VPS13B: variants seen among roughly 807,000 people sequenced by gnomAD.
VPS13B encodes vacuolar protein sorting 13 homolog B, also known as intermembrane lipid transfer protein VPS13B.
In VPS13B, 285 loss-of-function variants were observed where a neutral mutation model predicts 426.4. The ratio of observed to expected loss-of-function variants is 0.67; its 90% CI spans 0.61 to 0.74. The LOEUF (loss-of-function observed/expected upper bound fraction) is 0.74, where lower values mean the gene tolerates loss of function less well. Ranked by LOEUF, VPS13B falls within the 30% of genes least tolerant of loss-of-function variation. The pLI is 0.00. For synonymous variants in VPS13B, 1,676 were observed against 1,676.4 expected (o/e 1.00, Z 0.01); for missense variants, 4,537 against 4,782.6 (o/e 0.95, Z 1.51).
At chr8:99,595,736 A>C (rs1826977316) in intron 33 of VPS13B, among the ~76,000 whole-genome samples, 1 of 152,018 alleles carries the variant, frequency 6.6e-6, no homozygotes, top group South Asian at 2.1e-4. Context: ...GCAGAATGGG[A>C]GAAAATATTT....
intron 17 of VPS13B, among the ~76,000 whole-genome samples, chr8:99,202,358 A>G (rs1814381560): frequency 6.6e-6 from 1 of 152,232 alleles, no homozygotes; most frequent in South Asian, 2.1e-4. Flanking sequence ...ACAGAAATGT[A>G]TGATGAATAA....
rs527276033 is a variant in VPS13B at position 99,696,770 on chromosome 8, A to G, written c.6047-2755A>G. On this transcript the variant is annotated intron_variant, in intron 35 of 61. Coordinates refer to ENST00000357162, the MANE Select transcript of VPS13B (RefSeq NM_152564.5). ...GGAGAGACCCAGCAATGAGGAAATC[A>G]TGCGTTTTTCCAAATTATTTGAGAA... The G allele has an allele frequency of 3.2e-5, 45 of 1,397,006 alleles. No homozygotes were observed. The East Asian group carries it at 8.7e-4, about 27-fold the overall frequency. 86.5% of individuals were successfully genotyped at this position (1,397,006 alleles called of 1,614,324 possible). A position where few individuals can be genotyped will look rare whatever the true frequency, so the allele number is the denominator to read the frequency against.
Position 99,022,518 on chromosome 8 carries a change from A to G in VPS13B, c.147+8583A>G, listed in dbSNP as rs1274143070. Among the ~76,000 whole-genome samples, 3 of 152,192 alleles carry G rather than the reference A, an allele frequency of 2.0e-5. No homozygotes were observed. In the East Asian group the frequency reaches 5.8e-4, roughly 29 times the overall value. ...ATGATTTTAATTTATTAAAATGTAT[A>G]AATATATAGTCTGTTTTTGTAAGTG... On this transcript the variant is annotated intron_variant, in intron 2 of 61. Coordinates refer to ENST00000357162, the MANE Select transcript of VPS13B (RefSeq NM_152564.5).
intron 17 of VPS13B, among the ~76,000 whole-genome samples, chr8:99,264,958 C>T (rs184343096): frequency 6.6e-6 from 1 of 152,030 alleles, no homozygotes; most frequent in African/African-American, 2.4e-5. Context: ...GAGATTTTCT[C>T]AACTTTATTT....
intron 31 of VPS13B, among the ~76,000 whole-genome samples, chr8:99,568,286 TATTATTATTATTA>T (rs1825285700): frequency 6.7e-6 from 1 of 148,580 alleles, no homozygotes. Flanking sequence ...CTATTATTAT[TATTATTATTATTA>T]TTTTTTTTTG....
At chr8:99,067,745 C>A (rs1484773789) in intron 3 of VPS13B, among the ~76,000 whole-genome samples, 1 of 152,146 alleles carries the variant, frequency 6.6e-6, no homozygotes, top group East Asian at 1.9e-4. Context: ...ACCCTTTTAA[C>A]CTTTACTTCA....
At chr8:99,526,235 CATGTT>C (rs1822637646) in intron 30 of VPS13B, among the ~76,000 whole-genome samples, 1 of 152,018 alleles carries the variant, frequency 6.6e-6, no homozygotes, top group Non-Finnish European at 1.5e-5. Context: ...CTAAAAGAAT[CATGTT>C]AAGAATTATT....
intron 23 of VPS13B, among the ~76,000 whole-genome samples, chr8:99,466,902 T>C (rs900814784): frequency 2.0e-5 from 3 of 152,170 alleles, no homozygotes; most frequent in Admixed American, 6.6e-5. Flanking sequence ...TCATTTTCAG[T>C]ACCATAGATA....
intron 42 of VPS13B, among the ~76,000 whole-genome samples, chr8:99,783,323 C>T (rs1469791187): frequency 6.6e-6 from 1 of 152,232 alleles, no homozygotes; most frequent in Non-Finnish European, 1.5e-5. Flanking sequence ...TAGAGGCCAA[C>T]TGGAGAAGCA....
chr8:99,796,481 G>T (rs565225797), intron 43 of VPS13B: 1 of 152,210 alleles, frequency 6.6e-6, no homozygotes, highest in African/African-American at 2.4e-5. Flanking sequence ...CCAGAAGAGA[G>T]AATGACTAAT....
At chr8:99,484,323 G>T (rs1588426958) in intron 25 of VPS13B, among the ~76,000 whole-genome samples, 1 of 152,028 alleles carries the variant, frequency 6.6e-6, no homozygotes, top group Non-Finnish European at 1.5e-5. Context: ...TAGTAGATTT[G>T]TTTGTTTTGT....
chr8:99,412,985 A>G (rs1232273749), intron 21 of VPS13B, among the ~76,000 whole-genome samples: 2 of 152,158 alleles, frequency 1.3e-5, no homozygotes, highest in Non-Finnish European at 2.9e-5. Context: ...GGATTTTTGC[A>G]TTGATGTTCA....
chr8:99,179,053 T>G (rs537228901), intron 16 of VPS13B, among the ~76,000 whole-genome samples: 2 of 152,362 alleles, frequency 1.3e-5, no homozygotes, highest in Admixed American at 1.3e-4. Flanking sequence ...TGCCAGCTTC[T>G]TAGAAGAATC....
chr8:99,617,007 T>G lies in VPS13B; in HGVS notation c.5221-24804T>G, dbSNP rs182215023. Reference sequence around the variant, plus strand: ...AAAGCTGAGTGAGGAGAAACGGAGATGTATAGTTGTAAGGTTCTTAGACTA... The same window carrying G: ...AAAGCTGAGTGAGGAGAAACGGAGAGGTATAGTTGTAAGGTTCTTAGACTA... On this transcript the variant is annotated intron_variant, in intron 33 of 61. Coordinates refer to ENST00000357162, the MANE Select transcript of VPS13B (RefSeq NM_152564.5). Among the ~76,000 whole-genome samples the G allele has an allele frequency of 7.7e-4, 117 of 152,342 alleles. 2 individuals are homozygous for G. The highest frequency in any genetic ancestry group is 7.3e-3 in the Admixed American group (111 of 15,306).
intron 19 of VPS13B, among the ~76,000 whole-genome samples, chr8:99,383,150 G>C (rs1813916521): frequency 6.6e-6 from 1 of 152,112 alleles, no homozygotes; most frequent in Non-Finnish European, 1.5e-5. Flanking sequence ...CTTTTCATCA[G>C]AAAGGGACAA....
chr8:99,536,750 G>T (rs1205420751), intron 30 of VPS13B: 4 of 532,656 alleles, frequency 7.5e-6, no homozygotes, highest in South Asian at 5.6e-5. Context: ...CGTATTCCCA[G>T]TCATTAAAGT....
chr8:99,771,454 A>G (rs766093100), intron 40 of VPS13B, among the ~76,000 whole-genome samples: 1 of 152,148 alleles, frequency 6.6e-6, no homozygotes, highest in African/African-American at 2.4e-5. Context: ...TAATATATCT[A>G]TATATTTTTT....
chr8:99,459,533 G>A (rs758911797), intron 23 of VPS13B, among the ~76,000 whole-genome samples: 7 of 152,086 alleles, frequency 4.6e-5, no homozygotes, highest in South Asian at 4.1e-4. Flanking sequence ...GCCCATCTGT[G>A]GTATAACATA....
At chr8:99,606,354 G>A (rs1395484447) in intron 33 of VPS13B, among the ~76,000 whole-genome samples, 1 of 151,964 alleles carries the variant, frequency 6.6e-6, no homozygotes, top group Non-Finnish European at 1.5e-5. Context: ...AGTTCTTTCA[G>A]CAGTCTGACA....
Sources: allele counts gnomAD v4.1 joint callset (sites outside exome capture counted in the v4.1 genomes callset), GRCh38; gene constraint gnomAD v4.1.1; transcripts MANE v1.5; gene names NCBI Gene and HGNC (gene_info 2026-07-23, HGNC 2026-07-21).